Variants in RARS2 observed in about 807,000 individuals in gnomAD.
The protein encoded by RARS2 is probable arginine--tRNA ligase, mitochondrial.
A neutral mutation model predicts 88.5 loss-of-function variants in RARS2; 67 were observed. That is an observed-to-expected ratio of 0.76 (90% CI 0.62 to 0.93). The LOEUF is 0.93. Among genes scored for constraint, RARS2 ranks in the 40% least tolerant of loss-of-function variants. The probability of loss-of-function intolerance (pLI) is 0.00; values close to 1 mark genes in which losing one functional copy is unlikely to be tolerated. For synonymous variants in RARS2, 239 were observed against 230.3 expected, an observed-to-expected ratio of 1.04 and a Z score of -0.34; for missense variants, 664 against 684.2, an observed-to-expected ratio of 0.97 and a Z score of 0.33.
At position 87,589,930 on chromosome 6, in the gene RARS2, C is replaced by T. The variant is rs755340864; in HGVS notation, c.28G>A (p.Ala10Thr). 29 of 1,601,422 alleles carry T rather than the reference C, an allele frequency of 1.8e-5. No homozygotes were observed. The highest frequency in any genetic ancestry group is 1.1e-4 in the African/African-American group (8 of 74,338). ...CGCTCCGGGATCCATACCTGGCAAGCAATAGCGCGGCGAAAGCCGCACGCC... is the reference window on the plus strand; with the variant it reads ...CGCTCCGGGATCCATACCTGGCAAGTAATAGCGCGGCGAAAGCCGCACGCC... MACGFRRAI[A>T]CQLSRVLNLP... Residue 10 changes from alanine (A) to threonine (T), a missense_variant, in exon 1 of 20, where the codon GCT becomes ACT. Ala to Thr is a moderately conservative substitution (Grantham distance 58). Transcript: ENST00000369536.
chr6:87,528,870 T>C (rs565253923), intron 10 of RARS2, among the ~76,000 whole-genome samples: 1 of 152,364 alleles, frequency 6.6e-6, no homozygotes, highest in East Asian at 1.9e-4. Flanking sequence ...GGGTAGATTT[T>C]AAATGTTCTC....
intron 1 of RARS2, among the ~76,000 whole-genome samples, chr6:87,579,419 C>T (rs1456943147): frequency 6.6e-6 from 1 of 152,106 alleles, no homozygotes; most frequent in Admixed American, 6.6e-5. Flanking sequence ...TTATCAAGCT[C>T]GGATGAACAT....
chr6:87,529,645 G>A lies in RARS2; in HGVS notation c.775C>T (p.Leu259=). The A allele has an allele frequency of 1.3e-6, 2 of 1,589,002 alleles. No individual in the cohort carries two copies. Among genetic ancestry groups the A allele is most frequent in the Non-Finnish European group, 1.7e-6 (2 of 1,157,312 alleles). The stretch of plus-strand genomic sequence containing the variant: ...GAATATTCATCAAAATATACTCCCA[G>A]ACGCTAAAAGAGTTCAGAAACAAAA... ...IEEYIRVYKR[L]GVYFDEYSGE... The change falls in exon 10 of 20, where the codon CTG becomes TTG. Residue 259 remains leucine (L), a synonymous_variant. Coordinates refer to ENST00000369536, the MANE Select transcript of RARS2 (RefSeq NM_020320.5).
At chr6:87,531,192 A>T (rs941588267) in intron 8 of RARS2, among the ~76,000 whole-genome samples, 1 of 152,244 alleles carries the variant, frequency 6.6e-6, no homozygotes, top group Non-Finnish European at 1.5e-5. Context: ...ACTCTGAAAT[A>T]ACCAAATAGC....
chr6:87,535,918 C>A (rs1779012625), intron 8 of RARS2, among the ~76,000 whole-genome samples: 1 of 151,950 alleles, frequency 6.6e-6, no homozygotes, highest in African/African-American at 2.4e-5. Context: ...CTTTTGAGCT[C>A]AGGCAATCCA....
intron 10 of RARS2, 31 bp downstream of exon 10, chr6:87,529,511 A>T: frequency 7.6e-7 from 1 of 1,324,256 alleles, no homozygotes; most frequent in Non-Finnish European, 1.1e-6. Flanking sequence ...AGAACAAATA[A>T]TTTTACTGAA....
Position 87,538,701 on chromosome 6 carries a change from T to C in RARS2, c.612+3217A>G, listed in dbSNP as rs186569536. Among the ~76,000 whole-genome samples the C allele has an allele frequency of 2.5e-3, 382 of 152,104 alleles. 2 individuals carry two copies. Among genetic ancestry groups the C allele is most frequent in the African/African-American group, 8.9e-3 (368 of 41,504 alleles). On this transcript the variant is annotated intron_variant, in intron 8 of 19. Coordinates refer to ENST00000369536, the MANE Select transcript of RARS2 (RefSeq NM_020320.5). Reference sequence around the variant, plus strand: ...CACTTGAAGCTAGGAGTTTGAGACCTGCCTGGACAGCATAGCAAGACCCTA... The same window carrying C: ...CACTTGAAGCTAGGAGTTTGAGACCCGCCTGGACAGCATAGCAAGACCCTA...
intron 8 of RARS2, among the ~76,000 whole-genome samples, chr6:87,535,671 G>GTTTTT (rs33991266): frequency 1.5e-5 from 2 of 129,970 alleles, no homozygotes; most frequent in Non-Finnish European, 1.6e-5. Context: ...TTATGTAACT[G>GTTTTT]TTTTGTTTTT....
intron 8 of RARS2, among the ~76,000 whole-genome samples, chr6:87,536,247 G>A (rs1779142731): frequency 6.6e-6 from 1 of 152,144 alleles, no homozygotes; most frequent in Admixed American, 6.6e-5. Context: ...AGCCTGATAA[G>A]TTACCTTTAA....
chr6:87,548,896 C>T (rs1783463154), intron 5 of RARS2, among the ~76,000 whole-genome samples: 1 of 152,126 alleles, frequency 6.6e-6, no homozygotes, highest in African/African-American at 2.4e-5. Context: ...CTAGTATTTA[C>T]TGTATCAGAA....
rs765088174 is a variant in RARS2 at position 87,516,848 on chromosome 6, T to C, written c.1544A>G (p.Asp515Gly). Residue 515 changes from aspartate (D) to glycine (G), a missense_variant, in exon 18 of 20, where the codon GAC becomes GGC. By Grantham distance (94) the Asp-to-Gly change is moderately conservative. Coordinates refer to ENST00000369536, the MANE Select transcript of RARS2 (RefSeq NM_020320.5). Reference sequence around the variant, plus strand: ...ACTGACGATATGCCTGGGTTGAAAGTCCTGAGATGATTTATAAAGCACCTC... The same window carrying C: ...ACTGACGATATGCCTGGGTTGAAAGCCCTGAGATGATTTATAAAGCACCTC... The part of the protein sequence containing the change: ...FDEVLYKSSQ[D>G]FQPRHIVSYL... 34 of 1,613,726 alleles carry C rather than the reference T, an allele frequency of 2.1e-5. No homozygotes were observed. Among genetic ancestry groups the C allele is most frequent in the Non-Finnish European group, 2.8e-5 (33 of 1,179,880 alleles).
intron 7 of RARS2, 28 bp from the exon 8 acceptor site, chr6:87,542,022 T>G: frequency 2.5e-6 from 4 of 1,572,382 alleles, no homozygotes; most frequent in Non-Finnish European, 3.5e-6. Flanking sequence ...AAATGAAAAA[T>G]TATAAAGTTG....
intron 8 of RARS2, among the ~76,000 whole-genome samples, chr6:87,534,509 G>C (rs1778545977): frequency 1.3e-5 from 2 of 152,102 alleles, no homozygotes; most frequent in African/African-American, 4.8e-5. Context: ...AGTATTTTTT[G>C]CACATTTCAA....
chr6:87,575,217 A>T (rs935766593), intron 1 of RARS2, among the ~76,000 whole-genome samples: 5 of 144,620 alleles, frequency 3.5e-5, no homozygotes, highest in Non-Finnish European at 7.5e-5. Flanking sequence ...AACCCTAAAA[A>T]ATAGAAAGCA....
intron 2 of RARS2, among the ~76,000 whole-genome samples, chr6:87,565,143 C>T (rs1028672541): frequency 3.9e-5 from 6 of 152,092 alleles, no homozygotes; most frequent in African/African-American, 1.4e-4. Flanking sequence ...CTTTAAAATC[C>T]TACTGCAAAT....
Position 87,589,909 on chromosome 6 carries a change from C to G in RARS2, c.36+13G>C. 2 of 1,614,244 alleles carry G rather than the reference C, an allele frequency of 1.2e-6. No homozygotes were observed. Among genetic ancestry groups the G allele is most frequent in the Non-Finnish European group, 1.7e-6 (2 of 1,180,046 alleles). On this transcript the variant is annotated intron_variant, in intron 1 of 19. Transcript: ENST00000369536. ...CTCCTCAGGGACTCCTCTGCGCGCT[C>G]CGGGATCCATACCTGGCAAGCAATA... is the stretch of plus-strand genomic sequence containing the variant.
At chr6:87,542,474 G>A (rs530814720) in intron 7 of RARS2, among the ~76,000 whole-genome samples, 2 of 152,200 alleles carry the variant, frequency 1.3e-5, no homozygotes, top group South Asian at 4.1e-4. Context: ...TGGTTTTGTT[G>A]TTATATTAGT....
intron 7 of RARS2, among the ~76,000 whole-genome samples, chr6:87,543,789 A>G (rs1010355113): frequency 9.9e-5 from 15 of 152,212 alleles, no homozygotes; most frequent in Non-Finnish European, 1.9e-4. Context: ...AATACTTTGG[A>G]ACTTAGGAAC....
chr6:87,579,473 A>C (rs1007212354), intron 1 of RARS2, among the ~76,000 whole-genome samples: 1 of 152,084 alleles, frequency 6.6e-6, no homozygotes, highest in African/African-American at 2.4e-5. Context: ...CCGATGCCCA[A>C]CCTCAGGCTA....
Sources: allele counts gnomAD v4.1 joint callset (sites outside exome capture counted in the v4.1 genomes callset), GRCh38; gene constraint gnomAD v4.1.1; transcripts MANE v1.5; gene names NCBI Gene and HGNC (gene_info 2026-07-23, HGNC 2026-07-21).